FRAS1: variants seen among roughly 807,000 people sequenced by gnomAD.
The protein encoded by FRAS1 is extracellular matrix organizing protein FRAS1.
In FRAS1, 290 loss-of-function variants were observed where a neutral mutation model predicts 435.2. That is an observed-to-expected ratio of 0.67 (90% CI 0.61 to 0.73). The LOEUF is 0.73. FRAS1 is among the 30% of genes least tolerant of loss of function. The probability of loss-of-function intolerance (pLI) is 0.00; values close to 1 mark genes in which losing one functional copy is unlikely to be tolerated. For synonymous variants in FRAS1, 1,800 were observed against 1,851.0 expected (o/e 0.97, Z 0.71); for missense variants, 4,860 against 5,001.5 (o/e 0.97, Z 0.85).
intron 2 of FRAS1, among the ~76,000 whole-genome samples, chr4:78,228,436 GGAAAACTGGGTGTAAACAAC>G (rs1724364812): frequency 6.6e-6 from 1 of 152,122 alleles, no homozygotes; most frequent in Non-Finnish European, 1.5e-5. Context: ...TAGAACAAGT[GGAAAACTGGGTGTAAACAAC>G]AGACAGTTAC....
At chr4:78,374,391 G>A in intron 25 of FRAS1, 140 bp downstream of exon 25, 1 of 727,628 alleles carries the variant, frequency 1.4e-6, no homozygotes, top group East Asian at 2.6e-5. Flanking sequence ...GTAATTGATG[G>A]CTTCCCATGC....
In FRAS1 at chr4:78,511,432, C is replaced by T. The variant is rs1229870684; in HGVS notation, c.9939C>T (p.Ser3313=). The change falls in exon 64 of 74, where the codon TCC becomes TCT. Residue 3313 remains serine, a synonymous_variant. Transcript: ENST00000512123. ...ICHTPVVAGT[S]RGFQAQSFIA... ...ACACACCAGTGGTGGCTGGGACATC[C>T]AGAGGCTTCCAGGCTCAGTCCTTCA... 5.0e-6 allele frequency: 8 copies of T among 1,613,820 alleles called. No individual in the cohort carries two copies. The highest frequency in any genetic ancestry group is 1.6e-4 in the Middle Eastern group (1 of 6,068).
intron 23 of FRAS1, among the ~76,000 whole-genome samples, chr4:78,371,486 A>T (rs894793133): frequency 6.6e-6 from 1 of 152,212 alleles, no homozygotes; most frequent in African/African-American, 2.4e-5. Flanking sequence ...ACTATATGCC[A>T]GGCACTGTGC....
At chr4:78,269,055 A>G (rs977561643) in intron 9 of FRAS1, among the ~76,000 whole-genome samples, 2 of 152,222 alleles carry the variant, frequency 1.3e-5, no homozygotes, top group African/African-American at 4.8e-5. Flanking sequence ...AAACTCTACC[A>G]GAATTGAAAT....
chr4:78,204,863 G>C (rs553143225), intron 2 of FRAS1, among the ~76,000 whole-genome samples: 1 of 152,294 alleles, frequency 6.6e-6, no homozygotes, highest in Admixed American at 6.5e-5. Flanking sequence ...TTTGAACCAC[G>C]TCTTCTTCCT....
At chr4:78,110,471 G>C (rs1742644854) in intron 2 of FRAS1, among the ~76,000 whole-genome samples, 1 of 82,654 alleles carries the variant, frequency 1.2e-5, no homozygotes, top group African/African-American at 5.5e-5. Flanking sequence ...TCTGATCTTT[G>C]ACAAACCTGA....
intron 65 of FRAS1, among the ~76,000 whole-genome samples, chr4:78,515,371 A>C (rs1721175625): frequency 6.6e-6 from 1 of 151,642 alleles, no homozygotes; most frequent in Admixed American, 6.6e-5. Flanking sequence ...AATTTTAAAA[A>C]TCACTCTTAA....
intron 69 of FRAS1, among the ~76,000 whole-genome samples, 159 bp downstream of exon 69, chr4:78,522,967 T>C (rs951688818): frequency 2.6e-5 from 4 of 152,156 alleles, no homozygotes; most frequent in African/African-American, 9.7e-5. Context: ...TGCTAGCTGG[T>C]AGCCCAGCTA....
Position 78,284,440 on chromosome 4 carries a change from T to C in FRAS1, c.1291T>C (p.Ser431Pro). 1 of 1,613,914 alleles carries C rather than the reference T, an allele frequency of 6.2e-7. No individual in the cohort carries two copies. The highest frequency in any genetic ancestry group is 8.5e-7 in the Non-Finnish European group (1 of 1,179,848). ...TCCAGATTGTTTGACATGCTCTCAG[T>C]CTCCAGACCACTGTGACCTCTGCCA... ...CHPDCLTCSQ[S>P]PDHCDLCQDP... Residue 431 changes from serine to proline, a missense_variant, in exon 13 of 74, where the codon TCT (serine) becomes CCT (proline). By Grantham distance (74) the Ser-to-Pro change is moderately conservative. Coordinates refer to ENST00000512123, the MANE Select transcript of FRAS1 (RefSeq NM_025074.7).
chr4:78,320,869 A>G (rs2110240341), intron 18 of FRAS1, among the ~76,000 whole-genome samples: 1 of 152,230 alleles, frequency 6.6e-6, no homozygotes, highest in East Asian at 1.9e-4. Flanking sequence ...TTTGTGACAC[A>G]CAGGTTGAAA....
At chr4:78,146,540 C>T (rs1352245922) in intron 2 of FRAS1, among the ~76,000 whole-genome samples, 1 of 152,098 alleles carries the variant, frequency 6.6e-6, no homozygotes, top group Non-Finnish European at 1.5e-5. Flanking sequence ...GAGAATAGTA[C>T]AGTGAACTCC....
At chr4:78,118,795 G>A (rs945561954) in intron 2 of FRAS1, among the ~76,000 whole-genome samples, 13 of 151,040 alleles carry the variant, frequency 8.6e-5, no homozygotes, top group South Asian at 4.2e-4. Flanking sequence ...ACCCTCCTTC[G>A]GCTTGCACTC....
chr4:78,468,613 A>G (rs1719609828), intron 50 of FRAS1, among the ~76,000 whole-genome samples: 1 of 152,210 alleles, frequency 6.6e-6, no homozygotes, highest in Admixed American at 6.5e-5. Context: ...GCTGTCTTCT[A>G]ACATCCAGAT....
At chr4:78,283,996 T>A (rs943822) in intron 12 of FRAS1, among the ~76,000 whole-genome samples, 46,030 of 152,002 alleles carry the variant, frequency 0.3, 7,702 homozygotes, top group East Asian at 0.38. Context: ...TTTTTCAACA[T>A]TGTGGGTTTT....
intron 9 of FRAS1, among the ~76,000 whole-genome samples, chr4:78,277,069 G>C (rs893002058): frequency 1.3e-5 from 2 of 152,206 alleles, no homozygotes; most frequent in Non-Finnish European, 1.5e-5. Context: ...TCAGACTGCT[G>C]TGCTAGCAAT....
chr4:78,484,346 A>G (rs1210258022), intron 58 of FRAS1, among the ~76,000 whole-genome samples: 1 of 152,118 alleles, frequency 6.6e-6, no homozygotes, highest in Non-Finnish European at 1.5e-5. Context: ...TTGTTTTCCT[A>G]CTTGTATTGC....
chr4:78,343,831 C>G (rs551586826), intron 20 of FRAS1, among the ~76,000 whole-genome samples: 1 of 152,158 alleles, frequency 6.6e-6, no homozygotes, highest in East Asian at 1.9e-4. Context: ...CCTCCAGACA[C>G]AGTGACTGGA....
chr4:78,236,451 C>T (rs1439044716), intron 2 of FRAS1, among the ~76,000 whole-genome samples: 2 of 151,928 alleles, frequency 1.3e-5, no homozygotes, highest in Non-Finnish European at 2.9e-5. Context: ...ACTTTTAAAC[C>T]AGAGAATAAC....
chr4:78,217,444 C>T (rs983547488), intron 2 of FRAS1, among the ~76,000 whole-genome samples: 1 of 152,082 alleles, frequency 6.6e-6, no homozygotes, highest in African/African-American at 2.4e-5. Context: ...GAGGACTGTT[C>T]TGTGCGGGAC....
Sources: gnomAD v4.1 joint callset for allele counts (sites outside exome capture counted in the v4.1 genomes callset) on GRCh38, gnomAD v4.1.1 for gene constraint, MANE v1.5 for transcripts, NCBI Gene and HGNC (gene_info 2026-07-23, HGNC 2026-07-21) for gene names.